TCF4: variants seen among roughly 807,000 people sequenced by gnomAD.
TCF4 encodes the protein SL3-3 enhancer factor 2.
In TCF4, 3 loss-of-function variants were observed where a neutral mutation model predicts 82.1. The observed-to-expected ratio is 0.04, with a 90% CI of 0.02 to 0.09. The LOEUF (loss-of-function observed/expected upper bound fraction) is 0.09, where lower values mean the gene tolerates loss of function less well. Among genes scored for constraint, TCF4 ranks in the 10% least tolerant of loss-of-function variants. The pLI is 1.00. For synonymous variants in TCF4, 276 were observed against 309.6 expected (o/e 0.89, Z 1.14); for missense variants, 518 against 852.7 (o/e 0.61, Z 4.89).
At chr18:55,324,749 G>A (rs2076273353) in intron 8 of TCF4, among the ~76,000 whole-genome samples, 1 of 151,976 alleles carries the variant, frequency 6.6e-6, no homozygotes, top group African/African-American at 2.4e-5. Flanking sequence ...ACACTATACA[G>A]AAAGCCACCA....
In TCF4 at chr18:55,523,023, C is replaced by T. The variant is rs536336569; in HGVS notation, c.146-58886G>A. On this transcript the variant is annotated intron_variant, in intron 3 of 19. Transcript: ENST00000354452. Reference sequence around the variant, plus strand: ...ATACACTGTTTCTTTACTGGCCACACTTTAATAAAACTAGAAAACAGTTAT... The same window carrying T: ...ATACACTGTTTCTTTACTGGCCACATTTTAATAAAACTAGAAAACAGTTAT... Among the ~76,000 whole-genome samples the T allele has an allele frequency of 2.0e-5, 3 of 152,034 alleles. No homozygotes were observed. The South Asian group carries it at 6.2e-4, about 31-fold the overall frequency.
At chr18:55,620,306 C>A (rs566727543) in intron 2 of TCF4, among the ~76,000 whole-genome samples, 1 of 152,232 alleles carries the variant, frequency 6.6e-6, no homozygotes, top group South Asian at 2.1e-4. Context: ...TTAAGTGGGA[C>A]CAAATCTGTG....
At chr18:55,488,890 A>G (rs1274356473) in intron 3 of TCF4, among the ~76,000 whole-genome samples, 1 of 152,196 alleles carries the variant, frequency 6.6e-6, no homozygotes, top group Non-Finnish European at 1.5e-5. Context: ...CCTGTCCCCT[A>G]TTTTGACGAT....
intron 11 of TCF4, chr18:55,265,847 G>GAC (rs2059054512): frequency 6.6e-6 from 1 of 152,164 alleles, no homozygotes; most frequent in Non-Finnish European, 1.5e-5. Context: ...AGCATATGGT[G>GAC]TATTAAATCA....
At chr18:55,266,665 A>G (rs1251621213) in intron 11 of TCF4, 3 of 152,180 alleles carry the variant, frequency 2.0e-5, no homozygotes, top group African/African-American at 7.2e-5. Context: ...TGAAAAAAAA[A>G]AAATCTCTCA....
At chr18:55,603,389 T>C (rs951374904) in intron 2 of TCF4, among the ~76,000 whole-genome samples, 1 of 152,104 alleles carries the variant, frequency 6.6e-6, no homozygotes, top group African/African-American at 2.4e-5. Context: ...ATTTGCTTCA[T>C]AGAGTTATTA....
intron 2 of TCF4, among the ~76,000 whole-genome samples, chr18:55,619,552 A>G (rs2097715592): frequency 6.6e-6 from 1 of 152,090 alleles, no homozygotes; most frequent in Non-Finnish European, 1.5e-5. Context: ...TAAAAGTTTG[A>G]TTTGGTTCTT....
intron 3 of TCF4, among the ~76,000 whole-genome samples, chr18:55,511,311 A>G (rs1293866706): frequency 6.9e-6 from 1 of 144,734 alleles, no homozygotes; most frequent in Non-Finnish European, 1.5e-5. Flanking sequence ...GATGTAGGTA[A>G]TAGAGTAATT....
chr18:55,358,080 G>A (rs1339890278), intron 6 of TCF4, among the ~76,000 whole-genome samples: 1 of 152,214 alleles, frequency 6.6e-6, no homozygotes, highest in African/African-American at 2.4e-5. Flanking sequence ...TTGAATATCT[G>A]ACCAAGAGTA....
At position 55,232,628 on chromosome 18, in the gene TCF4, G is replaced by A; in HGVS notation, c.1530C>T (p.Ser510=). ...GLQGQSVSSG[S]SEIKSDDEGD... Reference sequence around the variant, plus strand: ...CCTCGTCATCGGATTTGATCTCAGAGCTGCCAGAGGAGACACTCTGCCCCT... The same window carrying A: ...CCTCGTCATCGGATTTGATCTCAGAACTGCCAGAGGAGACACTCTGCCCCT... Residue 510 remains serine, a synonymous_variant, in exon 17 of 20, where the codon AGC becomes AGT. Coordinates refer to ENST00000354452, the MANE Select transcript of TCF4 (RefSeq NM_001083962.2). The A allele has an allele frequency of 6.2e-7, 1 of 1,614,106 alleles. No individual in the cohort carries two copies. The highest frequency in any genetic ancestry group is 8.5e-7 in the Non-Finnish European group (1 of 1,180,008).
At chr18:55,300,123 CA>C (rs573918729) in intron 8 of TCF4, among the ~76,000 whole-genome samples, 10 of 151,664 alleles carry the variant, frequency 6.6e-5, no homozygotes, top group South Asian at 6.2e-4. Flanking sequence ...CACACACACA[CA>C]CCCCACATTA....
rs943448046 is a variant in TCF4, at chr18:55,602,635, G to A, written c.287-15499C>T. Among the ~76,000 whole-genome samples the A allele has an allele frequency of 3.3e-5, 5 of 152,160 alleles. No homozygotes were observed. The East Asian group carries it at 5.8e-4, about 18-fold the overall frequency. ...ATTGGCAAGTTCACATTACATCCAC[G>A]GGCCATTACCATCAATAATTGAGAA... On this transcript the variant is annotated intron_variant, in intron 2 of 20. Transcript: ENST00000398339.
intron 3 of TCF4, among the ~76,000 whole-genome samples, chr18:55,483,134 T>G (rs1371209878): frequency 6.6e-6 from 1 of 152,188 alleles, no homozygotes; most frequent in East Asian, 1.9e-4. Flanking sequence ...CGACTCTTGG[T>G]GAAATGGATG....
At chr18:55,507,486 TTAA>T (rs1262502023) in intron 3 of TCF4, among the ~76,000 whole-genome samples, 37 of 151,966 alleles carry the variant, frequency 2.4e-4, no homozygotes, top group South Asian at 2.1e-4. Flanking sequence ...AATTTTCCAT[TTAA>T]TATTTTTGGA....
intron 2 of TCF4, among the ~76,000 whole-genome samples, chr18:55,608,987 A>G (rs1603625370): frequency 6.6e-6 from 1 of 152,066 alleles, no homozygotes; most frequent in African/African-American, 2.4e-5. Context: ...TCAGGAATGG[A>G]ATTAATGCCC....
intron 5 of TCF4, among the ~76,000 whole-genome samples, chr18:55,413,248 G>A (rs1005703450): frequency 1.3e-5 from 2 of 152,006 alleles, no homozygotes; most frequent in African/African-American, 2.4e-5. Flanking sequence ...ATTTGTATAC[G>A]TATCTGTAAT....
chr18:55,563,149 G>T (rs1489892555), intron 3 of TCF4, among the ~76,000 whole-genome samples: 1 of 151,112 alleles, frequency 6.6e-6, no homozygotes, highest in Non-Finnish European at 1.5e-5. Context: ...TGAGGTGGGA[G>T]GATCACCTGA....
At position 55,466,718 on chromosome 18, in the gene TCF4, T is replaced by C. The variant is rs150065631; in HGVS notation, c.146-2581A>G. Among the ~76,000 whole-genome samples, 297 of 152,294 alleles carry C rather than the reference T, an allele frequency of 2.0e-3. 1 individual carries two copies. Among genetic ancestry groups the C allele is most frequent in the African/African-American group, 6.7e-3 (277 of 41,560 alleles). ...CCAAGAGACCTTCATATACATCTTCTGTCCACAGAAAAAAGGAAAAGTAAT... is the reference window on the plus strand; with the variant it reads ...CCAAGAGACCTTCATATACATCTTCCGTCCACAGAAAAAAGGAAAAGTAAT... On this transcript the variant is annotated intron_variant, in intron 3 of 19. Coordinates refer to ENST00000354452, the MANE Select transcript of TCF4 (RefSeq NM_001083962.2).
Position 55,275,733 on chromosome 18 carries a change from G to A in TCF4, c.675C>T (p.Asp225=), listed in dbSNP as rs957214430. The change falls in exon 10 of 20, where the codon GAC becomes GAT. Residue 225 remains aspartate, a synonymous_variant. Coordinates refer to ENST00000354452, the MANE Select transcript of TCF4 (RefSeq NM_001083962.2). ...TCATCCCACTGGAGGAGCTCCAAGG[G>A]TCACTGCTGTGATGGCCATCTGTAA... ...FFMQDGHHSS[D]PWSSSSGMNQ... is the part of the protein sequence containing the mutation. The A allele has an allele frequency of 1.9e-6, 3 of 1,613,702 alleles. No individual in the cohort carries two copies. In the African/African-American group the frequency reaches 4.0e-5, roughly 22 times the overall value.
Sources: gnomAD v4.1 joint callset for allele counts (sites outside exome capture counted in the v4.1 genomes callset) on GRCh38, gnomAD v4.1.1 for gene constraint, MANE v1.5 for transcripts, NCBI Gene and HGNC (gene_info 2026-07-23, HGNC 2026-07-21) for gene names.